PCDH15: variants seen among roughly 807,000 people sequenced by gnomAD.
PCDH15 encodes protocadherin-15.
PCDH15 carries 129 observed loss-of-function variants against 178.5 expected under a neutral mutation model. That is an observed-to-expected ratio of 0.72 (90% CI 0.63 to 0.84). The LOEUF (loss-of-function observed/expected upper bound fraction) is 0.84. Ranked by LOEUF, PCDH15 falls within the 40% of genes least tolerant of loss-of-function variation. PCDH15 has a pLI of 0.00. For synonymous variants in PCDH15, 800 were observed against 732.0 expected (o/e 1.09, Z -1.50); for missense variants, 2,230 against 2,099.9 (o/e 1.06, Z -1.21).
At chr10:53,895,911 G>A (rs1169205722) in intron 26 of PCDH15, among the ~76,000 whole-genome samples, 1 of 152,048 alleles carries the variant, frequency 6.6e-6, no homozygotes, top group Non-Finnish European at 1.5e-5. Context: ...AATGTAAGAG[G>A]TTACAAGAAA....
At chr10:54,785,209 G>C (rs998617967) in intron 1 of PCDH15, among the ~76,000 whole-genome samples, 3 of 151,166 alleles carry the variant, frequency 2.0e-5, no homozygotes, top group Non-Finnish European at 4.4e-5. Flanking sequence ...CAAACTTTTG[G>C]TGATCAGAAA....
chr10:53,867,014 G>A (rs1324771260), intron 26 of PCDH15, among the ~76,000 whole-genome samples, 157 bp from the exon 27 acceptor site: 1 of 152,074 alleles, frequency 6.6e-6, no homozygotes, highest in Non-Finnish European at 1.5e-5. Flanking sequence ...TAGTTATGTA[G>A]ATTAATAGAC....
rs537198616 is a variant in PCDH15, at chr10:54,437,274, A to G, written c.158-58332T>C. On this transcript the variant is annotated intron_variant, in intron 3 of 37. Coordinates refer to ENST00000644397, the MANE Select transcript of PCDH15 (RefSeq NM_001384140.1). ...ACAAAGCAAAGGATATAGGTATTAC[A>G]CTAATTAACAACAATGGGACAAATC... Among the ~76,000 whole-genome samples the G allele has an allele frequency of 2.0e-5, 3 of 152,192 alleles. No homozygotes were observed. The South Asian group carries it at 6.2e-4, about 31-fold the overall frequency.
At chr10:53,983,299 A>G (rs2090827143) in intron 21 of PCDH15, among the ~76,000 whole-genome samples, 1 of 150,790 alleles carries the variant, frequency 6.6e-6, no homozygotes, top group African/African-American at 2.4e-5. Context: ...CAGGCATGTG[A>G]CTTAGTCATA....
At chr10:55,095,306 A>T (rs902907736) in intron 2 of PCDH15, among the ~76,000 whole-genome samples, 7 of 151,886 alleles carry the variant, frequency 4.6e-5, no homozygotes, top group African/African-American at 1.7e-4. Flanking sequence ...TTATTTAAAC[A>T]TACTTATCTT....
intron 3 of PCDH15, among the ~76,000 whole-genome samples, chr10:54,814,794 G>A (rs1952922100): frequency 6.6e-6 from 1 of 152,022 alleles, no homozygotes. Context: ...CACATGCTTA[G>A]CGTTCCAATC....
At chr10:55,539,515 T>G (rs1841708766) in intron 2 of PCDH15, among the ~76,000 whole-genome samples, 4 of 152,036 alleles carry the variant, frequency 2.6e-5, no homozygotes, top group African/African-American at 9.7e-5. Flanking sequence ...GTAAAATGCT[T>G]TAATAGGATG....
At chr10:55,239,488 A>G (rs1841485345) in intron 1 of PCDH15, among the ~76,000 whole-genome samples, 3 of 152,186 alleles carry the variant, frequency 2.0e-5, no homozygotes, top group Non-Finnish European at 2.9e-5. Context: ...AAAACTGGAT[A>G]TCCACATGCA....
chr10:55,329,839 C>T (rs1221615479), intron 2 of PCDH15, among the ~76,000 whole-genome samples: 4 of 151,544 alleles, frequency 2.6e-5, no homozygotes, highest in Non-Finnish European at 4.4e-5. Context: ...TATTTTTTTC[C>T]ATACAAAGGG....
intron 3 of PCDH15, among the ~76,000 whole-genome samples, chr10:54,379,295 G>T (rs1348319110): frequency 6.6e-6 from 1 of 152,034 alleles, no homozygotes; most frequent in Non-Finnish European, 1.5e-5. Flanking sequence ...TAATAGCAGA[G>T]TCTGATGTCT....
At chr10:53,824,160 T>G (rs2132527426) in intron 32 of PCDH15, among the ~76,000 whole-genome samples, 1 of 152,228 alleles carries the variant, frequency 6.6e-6, no homozygotes, top group South Asian at 2.1e-4. Context: ...AAAAAATCAC[T>G]TTTTGATATC....
At chr10:54,966,022 T>C (rs1456983078) in intron 2 of PCDH15, among the ~76,000 whole-genome samples, 1 of 151,400 alleles carries the variant, frequency 6.6e-6, no homozygotes, top group Non-Finnish European at 1.5e-5. Context: ...CATAAATATA[T>C]CATATATATT....
intron 24 of PCDH15, 37 bp downstream of exon 24, chr10:53,940,829 G>C (rs1329495110): frequency 1.4e-6 from 2 of 1,422,490 alleles, no homozygotes; most frequent in Non-Finnish European, 2.0e-6. Context: ...TAAGTTTACT[G>C]GTTGATGGTG....
At chr10:55,016,098 T>TAA (rs199893494) in intron 2 of PCDH15, among the ~76,000 whole-genome samples, 2 of 115,610 alleles carry the variant, frequency 1.7e-5, no homozygotes, top group Admixed American at 9.3e-5. Context: ...CTTTTTTTTT[T>TAA]AAAAAAAAAA....
intron 1 of PCDH15, among the ~76,000 whole-genome samples, chr10:55,248,648 C>T (rs1013476245): frequency 8.5e-5 from 13 of 152,254 alleles, no homozygotes; most frequent in South Asian, 2.1e-4. Context: ...GCAACCTCCA[C>T]GTAGTTCTAG....
chr10:54,074,197 ATTTG>A (rs2094298491), intron 17 of PCDH15, among the ~76,000 whole-genome samples: 1 of 152,266 alleles, frequency 6.6e-6, no homozygotes, highest in African/African-American at 2.4e-5. Flanking sequence ...TTTTTTCTGT[ATTTG>A]TTTGTACTAT....
At chr10:54,043,167 T>G (rs2135533783) in intron 18 of PCDH15, among the ~76,000 whole-genome samples, 1 of 152,206 alleles carries the variant, frequency 6.6e-6, no homozygotes, top group South Asian at 2.1e-4. Context: ...CGGTGAACAT[T>G]AATTCATAAA....
chr10:54,019,373 G>A (rs903701051), intron 20 of PCDH15, among the ~76,000 whole-genome samples: 3 of 152,070 alleles, frequency 2.0e-5, no homozygotes, highest in Non-Finnish European at 1.5e-5. Flanking sequence ...CTCAATATGG[G>A]ATTCAGATGT....
intron 2 of PCDH15, among the ~76,000 whole-genome samples, chr10:55,412,140 G>T (rs1465338640): frequency 6.6e-6 from 1 of 152,108 alleles, no homozygotes; most frequent in South Asian, 2.1e-4. Flanking sequence ...AGGGCTTTAT[G>T]AAATTCTTGG....
Sources: gnomAD v4.1 joint callset for allele counts (sites outside exome capture counted in the v4.1 genomes callset) on GRCh38, gnomAD v4.1.1 for gene constraint, MANE v1.5 for transcripts, NCBI Gene and HGNC (gene_info 2026-07-23, HGNC 2026-07-21) for gene names.